TM9SF3: variants seen among roughly 807,000 people sequenced by gnomAD.
TM9SF3 encodes the protein SM-11044-binding protein.
TM9SF3 carries 14 observed loss-of-function variants against 78.6 expected under a neutral mutation model. The observed-to-expected ratio is 0.18, with a 90% CI of 0.12 to 0.28. The LOEUF is 0.28. Ranked by LOEUF, TM9SF3 falls within the 10% of genes least tolerant of loss-of-function variation. TM9SF3 has a pLI of 1.00. For synonymous variants in TM9SF3, 231 were observed against 241.7 expected (o/e 0.96, Z 0.41); for missense variants, 496 against 721.9 (o/e 0.69, Z 3.59).
At chr10:96,570,480 A>G (rs2134156349) in intron 2 of TM9SF3, among the ~76,000 whole-genome samples, 1 of 152,352 alleles carries the variant, frequency 6.6e-6, no homozygotes, top group Non-Finnish European at 1.5e-5. Context: ...GCCCATATTT[A>G]TCAAATCTGC....
At chr10:96,539,300 T>TGCAG (rs1564930411) in intron 9 of TM9SF3, among the ~76,000 whole-genome samples, 11 of 151,844 alleles carry the variant, frequency 7.2e-5, no homozygotes, top group African/African-American at 2.7e-4. Context: ...GTGAAACTGT[T>TGCAG]TGAGCCGAGA....
intron 9 of TM9SF3, among the ~76,000 whole-genome samples, chr10:96,538,651 T>A (rs1424035526): frequency 1.3e-5 from 2 of 152,176 alleles, no homozygotes; most frequent in Non-Finnish European, 2.9e-5. Context: ...AAAAGACTTG[T>A]ATTTACAATA....
chr10:96,525,104 A>T (rs929374577), intron 14 of TM9SF3, among the ~76,000 whole-genome samples: 3 of 152,014 alleles, frequency 2.0e-5, no homozygotes, highest in Non-Finnish European at 2.9e-5. Flanking sequence ...GTCAAGAAAA[A>T]TTTTTTTAAC....
chr10:96,563,490 C>A (rs1193952968), intron 3 of TM9SF3, among the ~76,000 whole-genome samples: 1 of 152,108 alleles, frequency 6.6e-6, no homozygotes, highest in East Asian at 1.9e-4. Flanking sequence ...ATTCTTATGC[C>A]TCAGCCTCCC....
chr10:96,518,449 T>C lies in TM9SF3; in HGVS notation c.*3814A>G, dbSNP rs187066950. The C allele has an allele frequency of 2.0e-5, 3 of 152,320 alleles. No homozygotes were observed. The highest frequency in any genetic ancestry group is 4.8e-5 in the African/African-American group (2 of 41,582). 9.4% of individuals were successfully genotyped at this position (152,320 alleles called of 1,614,324 possible). A position where few individuals can be genotyped will look rare whatever the true frequency, so the allele number is the denominator to read the frequency against. ...ATTTCTTTCTTGCCTTAAGCTCTTATATCTTTCAAATGACCTAAGCTGATG... is the reference window on the plus strand; with the variant it reads ...ATTTCTTTCTTGCCTTAAGCTCTTACATCTTTCAAATGACCTAAGCTGATG... On this transcript the variant is annotated 3_prime_UTR_variant, in exon 15 of 15. Transcript: ENST00000371142.
At chr10:96,545,434 C>T (rs1848085627) in intron 8 of TM9SF3, among the ~76,000 whole-genome samples, 1 of 152,194 alleles carries the variant, frequency 6.6e-6, no homozygotes. Context: ...ATTTCTTTTC[C>T]AGCTAAGTTT....
Position 96,521,180 on chromosome 10 carries a change from A to C in TM9SF3, c.*1083T>G, listed in dbSNP as rs528648833. ...GACACACACATTTTGAAGAAACCCC[A>C]ATGTTTCATGCAATGGTAGGCAAGA... On this transcript the variant is annotated 3_prime_UTR_variant, in exon 15 of 15. Transcript: ENST00000371142. 25 of 321,332 alleles carry C rather than the reference A, an allele frequency of 7.8e-5. No individual in the cohort carries two copies. The highest frequency in any genetic ancestry group is 1.3e-4 in the Non-Finnish European group (23 of 177,026). 19.9% of individuals were successfully genotyped at this position (321,332 alleles called of 1,614,324 possible).
intron 5 of TM9SF3, 145 bp from the exon 6 acceptor site, chr10:96,553,204 C>T: frequency 2.5e-6 from 2 of 792,644 alleles, no homozygotes; most frequent in Non-Finnish European, 3.6e-6. Context: ...ATTTCAGACA[C>T]TTTGAGGATG....
In TM9SF3 at chr10:96,520,635, A is replaced by C. The variant is rs924798259; in HGVS notation, c.*1628T>G. The stretch of plus-strand genomic sequence containing the variant: ...AACTCAGTGGTTCTAGGAAAACTTC[A>C]TATTATGAATAGTTCCAGAAAAATG... On this transcript the variant is annotated 3_prime_UTR_variant, in exon 15 of 15. Coordinates refer to ENST00000371142, the MANE Select transcript of TM9SF3 (RefSeq NM_020123.4). 8.2e-6 allele frequency: 3 copies of C among 364,954 alleles called. No individual in the cohort carries two copies. The East Asian group carries it at 1.2e-4, about 14-fold the overall frequency. 22.6% of individuals were successfully genotyped at this position (364,954 alleles called of 1,614,324 possible). A position where few individuals can be genotyped will look rare whatever the true frequency, so the allele number is the denominator to read the frequency against.
chr10:96,530,564 G>T lies in TM9SF3; in HGVS notation c.1370C>A (p.Pro457His). ...AVIVCLGGIL[P>H]FGSIFIEMYF... Reference sequence around the variant, plus strand: ...CATTTCAATAAAGATTGAACCAAAAGGTAAAATTCCACCCAGGCAAACAAT... The same window carrying T: ...CATTTCAATAAAGATTGAACCAAAATGTAAAATTCCACCCAGGCAAACAAT... The change falls in exon 11 of 15, where the codon CCT becomes CAT. Residue 457 changes from proline to histidine, a missense_variant. Around this residue, in one of 4 missense-constraint regions of TM9SF3, gnomAD observed 280 missense variants for 422.6 expected, o/e 0.66. Transcript: ENST00000371142. The T allele has an allele frequency of 6.2e-7, 1 of 1,612,068 alleles. No homozygotes were observed.
In TM9SF3 at chr10:96,518,923, C is replaced by G. The variant is rs529515965; in HGVS notation, c.*3340G>C. On this transcript the variant is annotated 3_prime_UTR_variant, in exon 15 of 15. Transcript: ENST00000371142. ...ACTTGTGTTTTAATACATCACTACT[C>G]CTATTTATTACATGTTCCAATAAAC... is the stretch of plus-strand genomic sequence containing the variant. 6.6e-6 allele frequency: 1 copy of G among 152,046 alleles called. No individual in the cohort carries two copies. Among genetic ancestry groups the G allele is most frequent in the Non-Finnish European group, 1.5e-5 (1 of 67,942 alleles). The allele number at this position is 152,046 out of a possible 1,614,324, so 9.4% of individuals were successfully genotyped here. A position where few individuals can be genotyped will look rare whatever the true frequency, so the allele number is the denominator to read the frequency against.
At chr10:96,536,947 C>T (rs757847814) in intron 9 of TM9SF3, among the ~76,000 whole-genome samples, 1 of 152,160 alleles carries the variant, frequency 6.6e-6, no homozygotes, top group Non-Finnish European at 1.5e-5. Flanking sequence ...AGGCACAAAC[C>T]GCACACCCAG....
intron 1 of TM9SF3, 98 bp downstream of exon 1, chr10:96,586,636 A>C: frequency 9.6e-7 from 1 of 1,037,512 alleles, no homozygotes; most frequent in Non-Finnish European, 1.2e-6. Flanking sequence ...GCAGTGGGGC[A>C]CCACCGGGCC....
chr10:96,542,674 C>T (rs1370939144), intron 9 of TM9SF3, among the ~76,000 whole-genome samples: 2 of 151,902 alleles, frequency 1.3e-5, no homozygotes, highest in Non-Finnish European at 2.9e-5. Flanking sequence ...TAACCTGACT[C>T]ACTCTATGTA....
intron 9 of TM9SF3, among the ~76,000 whole-genome samples, chr10:96,538,677 C>G (rs764653128): frequency 2.6e-5 from 4 of 152,112 alleles, no homozygotes; most frequent in Non-Finnish European, 5.9e-5. Context: ...GAACTCTTAT[C>G]ACTCAATAAG....
chr10:96,575,881 C>T (rs542349956), intron 2 of TM9SF3, among the ~76,000 whole-genome samples: 1 of 152,318 alleles, frequency 6.6e-6, no homozygotes, highest in Admixed American at 6.5e-5. Flanking sequence ...GCAGGAAATA[C>T]ACTCTCTGAC....
At chr10:96,522,380 T>C (rs773231940) in intron 14 of TM9SF3, 50 bp from the exon 15 acceptor site, 5 of 1,426,330 alleles carry the variant, frequency 3.5e-6, no homozygotes, top group Non-Finnish European at 4.7e-6. Flanking sequence ...CAGAGCAGTA[T>C]CCATCATTTA....
In TM9SF3 at chr10:96,520,791, A is replaced by T. The variant is rs1326142494; in HGVS notation, c.*1472T>A. The T allele has an allele frequency of 5.1e-6, 2 of 395,460 alleles. No homozygotes were observed. The highest frequency in any genetic ancestry group is 8.9e-6 in the Non-Finnish European group (2 of 223,668). 24.5% of individuals were successfully genotyped at this position (395,460 alleles called of 1,614,324 possible). On this transcript the variant is annotated 3_prime_UTR_variant, in exon 15 of 15. Transcript: ENST00000371142. ...CAGATTTTGTGCCACAATTTCATTCAAAGGGTTTGTCATTCACTTTATGAT... is the reference window on the plus strand; with the variant it reads ...CAGATTTTGTGCCACAATTTCATTCTAAGGGTTTGTCATTCACTTTATGAT...
At position 96,559,655 on chromosome 10, in the gene TM9SF3, C is replaced by G. The variant is rs1313265290; in HGVS notation, c.660+4G>C. On this transcript the variant is annotated splice_donor_region_variant and intron_variant, in intron 5 of 14. Coordinates refer to ENST00000371142, the MANE Select transcript of TM9SF3 (RefSeq NM_020123.4). The stretch of plus-strand genomic sequence containing the variant: ...CAATGTCTTAAAATACACTATTTAC[C>G]TACCCGATGTTGAAAAAAGGACGGA... 6.3e-7 allele frequency: 1 copy of G among 1,579,186 alleles called. No homozygotes were observed. Among genetic ancestry groups the G allele is most frequent in the Non-Finnish European group, 8.6e-7 (1 of 1,157,986 alleles).
Sources: allele counts gnomAD v4.1 joint callset (sites outside exome capture counted in the v4.1 genomes callset), GRCh38; gene constraint gnomAD v4.1.1; regional missense constraint gnomAD v4.1.1; transcripts MANE v1.5; gene names NCBI Gene and HGNC (gene_info 2026-07-23, HGNC 2026-07-21).